The following ITGA5 variants were observed in gnomAD, a reference collection of about 807,000 sequenced individuals.
ITGA5 encodes the protein integrin subunit alpha 5.
In ITGA5, 55 loss-of-function variants were observed where a neutral mutation model predicts 146.3. That is an observed-to-expected ratio of 0.38 (90% CI 0.30 to 0.47). The LOEUF (loss-of-function observed/expected upper bound fraction) is 0.47, where lower values mean the gene tolerates loss of function less well. ITGA5 is among the 20% of genes least tolerant of loss of function. ITGA5 has a pLI of 0.99. For synonymous variants in ITGA5, 500 were observed against 531.8 expected (o/e 0.94, Z 0.82); for missense variants, 1,131 against 1,329.0 (o/e 0.85, Z 2.32).
chr12:54,402,407 T>G (rs764512774), intron 19 of ITGA5, 77 bp from the exon 20 acceptor site: 19 of 1,390,768 alleles, frequency 1.4e-5, no homozygotes, highest in Non-Finnish European at 1.9e-5. Context: ...ATAAGAGTAG[T>G]AATACGAGGC....
intron 1 of ITGA5, among the ~76,000 whole-genome samples, chr12:54,415,259 A>G (rs1455859832): frequency 2.0e-5 from 3 of 152,242 alleles, no homozygotes; most frequent in African/African-American, 4.8e-5. Flanking sequence ...AGAAGAAATA[A>G]CTGCCAGAAT....
intron 1 of ITGA5, among the ~76,000 whole-genome samples, chr12:54,418,499 A>C (rs1212487017): frequency 6.6e-6 from 1 of 151,518 alleles, no homozygotes; most frequent in African/African-American, 2.4e-5. Context: ...CTTTCCTCCT[A>C]CTACACGTAG....
At chr12:54,398,515 C>G in intron 28 of ITGA5, 82 bp downstream of exon 28, 1 of 953,544 alleles carries the variant, frequency 1.0e-6, no homozygotes, top group Non-Finnish European at 1.6e-6. Flanking sequence ...AATACCAAGG[C>G]CAGCCCTCAC....
intron 12 of ITGA5, 69 bp downstream of exon 12, chr12:54,405,097 C>A (rs1364443066): frequency 7.1e-7 from 1 of 1,401,840 alleles, no homozygotes; most frequent in Non-Finnish European, 9.7e-7. Flanking sequence ...TGACAGATGC[C>A]CTCTCCCCAA....
At chr12:54,396,495 T>C (rs750408680) in intron 29 of ITGA5, 119 bp from the exon 30 acceptor site, 13 of 792,906 alleles carry the variant, frequency 1.6e-5, no homozygotes, top group Non-Finnish European at 2.7e-5. Context: ...CCTGCAAAAG[T>C]GGCCTCTGAA....
Position 54,405,368 on chromosome 12 carries a change from A to C in ITGA5, c.1023T>G (p.Asp341Glu). The C allele has an allele frequency of 6.2e-7, 1 of 1,604,694 alleles. No homozygotes were observed. The highest frequency in any genetic ancestry group is 1.3e-5 in the African/African-American group (1 of 74,850). The change falls in exon 12 of 30, where the codon GAT becomes GAG. Residue 341 changes from aspartate to glutamate, a missense_variant. Asp to Glu is a conservative substitution (Grantham distance 45). Coordinates refer to ENST00000293379, the MANE Select transcript of ITGA5 (RefSeq NM_002205.5). Reference protein sequence around the residue: ...AATDVNGDGLDDLLVGAPLLM... With the variant: ...AATDVNGDGLEDLLVGAPLLM... The stretch of plus-strand genomic sequence containing the variant: ...GCAGGGGTGCCCCCACCAGCAAGTC[A>C]TCCAGCCTGAGGGGAAGGGCAAACC...
chr12:54,403,021 G>T lies in ITGA5; in HGVS notation c.1944C>A (p.Asp648Glu). The T allele has an allele frequency of 1.2e-6, 2 of 1,614,158 alleles. No homozygotes were observed. Among genetic ancestry groups the T allele is most frequent in the Non-Finnish European group, 1.7e-6 (2 of 1,180,024 alleles). The change falls in exon 19 of 30, where the codon GAC becomes GAA. Residue 648 changes from aspartate to glutamate, a missense_variant. Coordinates refer to ENST00000293379, the MANE Select transcript of ITGA5 (RefSeq NM_002205.5). The surrounding 1 kb of genome is among the most constrained non-coding windows in gnomAD (Gnocchi z 4.9). The part of the protein sequence containing the change: ...KAQILLDCGE[D>E]NICVPDLQLE... ...GCTGCAGGTCAGGCACACAGATGTT[G>T]TCTTCTCCACAGTCCAGCAAGATCT...
Position 54,405,686 on chromosome 12 carries a change from C to T in ITGA5, c.994G>A (p.Ala332Thr), listed in dbSNP as rs375602887. Residue 332 changes from alanine to threonine, a missense_variant, in exon 11 of 30, where the codon GCC (alanine) becomes ACC (threonine). Around this residue, in one of 3 missense-constraint regions of ITGA5, gnomAD observed 889 missense variants for 1,021.5 expected, o/e 0.87. Coordinates refer to ENST00000293379, the MANE Select transcript of ITGA5 (RefSeq NM_002205.5). The part of the protein sequence containing the change: ...MASYFGYAVA[A>T]TDVNGDGLDD... The stretch of plus-strand genomic sequence containing the variant: ...CACCCGTCCCCATTGACGTCTGTGG[C>T]GGCCACTGCATAGCCAAAGTAGGAG... 48 of 1,613,716 alleles carry T rather than the reference C, an allele frequency of 3.0e-5. No homozygotes were observed. The highest frequency in any genetic ancestry group is 1.5e-4 in the African/African-American group (11 of 74,888).
intron 1 of ITGA5, among the ~76,000 whole-genome samples, chr12:54,415,675 C>T (rs1181206178): frequency 1.3e-5 from 2 of 152,230 alleles, no homozygotes; most frequent in Non-Finnish European, 2.9e-5. Context: ...TACTGGGTTA[C>T]TGTTTGACTC....
At position 54,419,034 on chromosome 12, in the gene ITGA5, G is replaced by A; in HGVS notation, c.165C>T (p.Pro55=). ...DAEAPAVLSG[P]PGSFFGFSVE... is the part of the protein sequence containing the mutation. ...CTGAGAATCCGAAGAAGGAGCCCGG[G>A]GGCCCCGAGAGTACTGCTGGGGCCT... Residue 55 remains proline, a synonymous_variant, in exon 1 of 30, where the codon CCC becomes CCT. Transcript: ENST00000293379. 2 of 1,599,536 alleles carry A rather than the reference G, an allele frequency of 1.3e-6. No individual in the cohort carries two copies. The highest frequency in any genetic ancestry group is 1.7e-6 in the Non-Finnish European group (2 of 1,174,520).
chr12:54,408,588 C>T (rs781341732), intron 6 of ITGA5, among the ~76,000 whole-genome samples, 168 bp downstream of exon 6: 51 of 151,392 alleles, frequency 3.4e-4, no homozygotes, highest in Non-Finnish European at 5.5e-4. Flanking sequence ...TAGCCAGGCG[C>T]GGTGGCAGGC....
intron 10 of ITGA5, 66 bp from the exon 11 acceptor site, chr12:54,405,782 G>T (rs998177290): frequency 1.2e-6 from 2 of 1,601,982 alleles, no homozygotes; most frequent in East Asian, 2.2e-5. Context: ...ATCAAGAGGG[G>T]CTGGGAAGTT....
rs189888150 is a variant in ITGA5, at chr12:54,404,322, G to A, written c.1464-76C>T. 168 of 1,559,062 alleles carry A rather than the reference G, an allele frequency of 1.1e-4. 1 individual carries two copies. Among genetic ancestry groups the A allele is most frequent in the East Asian group, 8.8e-4 (39 of 44,536 alleles). ...GGACACAGGAAACTGATGCCCAAGC[G>A]CCAGAATGTGTGTCCTCTGCATTGA... On this transcript the variant is annotated intron_variant, in intron 14 of 29. Transcript: ENST00000293379.
intron 27 of ITGA5, chr12:54,398,921 C>T: frequency 2.4e-6 from 1 of 411,314 alleles, no homozygotes; most frequent in Non-Finnish European, 4.3e-6. Flanking sequence ...GTCACTGCAA[C>T]CTCCACCTCC....
chr12:54,411,805 C>A (rs777552672), intron 2 of ITGA5, 29 bp downstream of exon 2: 24 of 1,471,470 alleles, frequency 1.6e-5, no homozygotes, highest in South Asian at 2.8e-5. Flanking sequence ...TCCCACCCCC[C>A]AGTCCCTCCC....
chr12:54,404,409 A>C, intron 14 of ITGA5, 21 bp downstream of exon 14: 1 of 1,613,076 alleles, frequency 6.2e-7, no homozygotes, highest in Non-Finnish European at 8.5e-7. Flanking sequence ...TTGTCCCCTC[A>C]TCTCCCTTTG....
At position 54,401,927 on chromosome 12, in the gene ITGA5, G is replaced by A. The variant is rs1313748781; in HGVS notation, c.2227-72C>T. ...CACCCTCCCTCCGCACCTCACAGCT[G>A]TGCTCTCGGCTGGCTGGTTACCGCC... is the stretch of plus-strand genomic sequence containing the variant. On this transcript the variant is annotated intron_variant, in intron 21 of 29. Coordinates refer to ENST00000293379, the MANE Select transcript of ITGA5 (RefSeq NM_002205.5). The surrounding 1 kb of genome is among the most constrained non-coding windows in gnomAD (Gnocchi z 5.0). The A allele has an allele frequency of 6.3e-7, 1 of 1,596,284 alleles. No individual in the cohort carries two copies. Among genetic ancestry groups the A allele is most frequent in the Non-Finnish European group, 8.6e-7 (1 of 1,164,068 alleles).
intron 28 of ITGA5, 71 bp from the exon 29 acceptor site, chr12:54,397,558 G>A: frequency 6.3e-7 from 1 of 1,582,636 alleles, no homozygotes; most frequent in Non-Finnish European, 8.6e-7. Flanking sequence ...GCCCCCACTT[G>A]TCATTGGATC....
chr12:54,397,208 TC>T, intron 29 of ITGA5, 156 bp downstream of exon 29: 1 of 656,760 alleles, frequency 1.5e-6, no homozygotes, highest in South Asian at 2.1e-5. Flanking sequence ...AAGGGGGGGA[TC>T]TTATAGGAAG....
Sources: allele counts gnomAD v4.1 joint callset (sites outside exome capture counted in the v4.1 genomes callset), GRCh38; gene constraint gnomAD v4.1.1; regional missense constraint gnomAD v4.1.1; non-coding constraint Gnocchi (gnomAD v3.1); transcripts MANE v1.5; gene names NCBI Gene and HGNC (gene_info 2026-07-23, HGNC 2026-07-21).